SMIM18: variants seen among roughly 807,000 people sequenced by gnomAD.
SMIM18 encodes small integral membrane protein 18.
In SMIM18, 4 loss-of-function variants were observed where a neutral mutation model predicts 5.9. The observed-to-expected ratio is 0.68, with a 90% CI of 0.33 to 1.56. SMIM18 has a LOEUF of 1.56. SMIM18 is among the 40% of genes most tolerant of loss of function. SMIM18 has a pLI of 0.06. For synonymous variants in SMIM18, 37 were observed against 37.4 expected (o/e 0.99, Z 0.04); for missense variants, 89 against 109.7 (o/e 0.81, Z 0.84).
chr8:30,644,157 A>C (rs905542443), intron 1 of SMIM18, among the ~76,000 whole-genome samples: 1 of 152,218 alleles, frequency 6.6e-6, no homozygotes, highest in African/African-American at 2.4e-5. Flanking sequence ...CTATAGTTCC[A>C]TACTGACAAA....
intron 1 of SMIM18, chr8:30,643,806 T>C (rs1801950952): frequency 1.3e-5 from 2 of 151,226 alleles, no homozygotes; most frequent in Admixed American, 1.3e-4. Context: ...GCAAGGCTAG[T>C]AAGAAAGAAA....
In SMIM18 at chr8:30,645,682, AC is replaced by A; in HGVS notation, c.*86del. 3 of 1,312,454 alleles carry A rather than the reference AC, an allele frequency of 2.3e-6. No individual in the cohort carries two copies. Among genetic ancestry groups the A allele is most frequent in the Non-Finnish European group, 3.1e-6 (3 of 982,660 alleles). 81.3% of individuals were successfully genotyped at this position (1,312,454 alleles called of 1,614,324 possible). A position where few individuals can be genotyped will look rare whatever the true frequency, so the allele number is the denominator to read the frequency against. On this transcript the variant is annotated 3_prime_UTR_variant, in exon 3 of 3. Coordinates refer to ENST00000517349, the MANE Select transcript of SMIM18 (RefSeq NM_001206847.2). ...ATATATTCTGAGGCCAACTGTTGCT[AC>A]AAAACAAATTCTGACTGAATGGTTA...
chr8:30,645,556 A>G lies in SMIM18; in HGVS notation c.247A>G (p.Met83Val), dbSNP rs1238605843. 2 of 1,535,708 alleles carry G rather than the reference A, an allele frequency of 1.3e-6. No individual in the cohort carries two copies. Among genetic ancestry groups the G allele is most frequent in the Non-Finnish European group, 1.7e-6 (2 of 1,146,886 alleles). The change falls in exon 3 of 3, where the codon ATG (methionine) becomes GTG (valine). Residue 83 changes from methionine to valine, a missense_variant. Coordinates refer to ENST00000517349, the MANE Select transcript of SMIM18 (RefSeq NM_001206847.2). Reference protein sequence around the residue: ...LKSEPNPLRSMMDNIRKRETE... With the variant: ...LKSEPNPLRSVMDNIRKRETE... ...AAGTGAACCCAACCCTCTTAGAAGTATGATGGACAACATCAGAAAACGTGA... is the reference window on the plus strand; with the variant it reads ...AAGTGAACCCAACCCTCTTAGAAGTGTGATGGACAACATCAGAAAACGTGA...
intron 1 of SMIM18, chr8:30,643,692 C>T (rs902698860): frequency 3.4e-5 from 5 of 148,666 alleles, no homozygotes; most frequent in Admixed American, 2.0e-4. Flanking sequence ...ACATGGGATA[C>T]TCTGGTTTCT....
chr8:30,644,990 T>C (rs1802015266), intron 2 of SMIM18, among the ~76,000 whole-genome samples: 1 of 152,162 alleles, frequency 6.6e-6, no homozygotes, highest in Admixed American at 6.5e-5. Context: ...GCTCAAGTGA[T>C]CTGCCCACAT....
intron 1 of SMIM18, among the ~76,000 whole-genome samples, chr8:30,640,591 A>G (rs985759746): frequency 6.6e-6 from 1 of 152,206 alleles, no homozygotes; most frequent in African/African-American, 2.4e-5. Flanking sequence ...CTTTTTTTAT[A>G]TACACCATTT....
At chr8:30,643,940 T>C (rs1470688407) in intron 1 of SMIM18, 3 of 152,216 alleles carry the variant, frequency 2.0e-5, no homozygotes, top group Non-Finnish European at 4.4e-5. Context: ...AATAAACATT[T>C]GTTATAAAAA....
In SMIM18 at chr8:30,645,436, A is replaced by T. The variant is rs1802031929; in HGVS notation, c.127A>T (p.Ile43Leu). ...TACFVILLLF[I>L]FTVVSLVVLA... ...CTGCTTTGTCATCCTGCTTTTATTTATATTTACAGTGGTATCTTTAGTGGT... is the reference window on the plus strand; with the variant it reads ...CTGCTTTGTCATCCTGCTTTTATTTTTATTTACAGTGGTATCTTTAGTGGT... Residue 43 changes from isoleucine to leucine, a missense_variant, in exon 3 of 3, where the codon ATA becomes TTA. Coordinates refer to ENST00000517349, the MANE Select transcript of SMIM18 (RefSeq NM_001206847.2). 5.9e-6 allele frequency: 9 copies of T among 1,535,614 alleles called. No individual in the cohort carries two copies. Among genetic ancestry groups the T allele is most frequent in the Non-Finnish European group, 7.8e-6 (9 of 1,146,886 alleles).
chr8:30,640,467 C>T (rs1801776273), intron 1 of SMIM18, among the ~76,000 whole-genome samples: 1 of 151,840 alleles, frequency 6.6e-6, no homozygotes, highest in Admixed American at 6.6e-5. Flanking sequence ...TAACATAAAA[C>T]AAAACTAAAA....
At chr8:30,642,439 C>T (rs574297052) in intron 1 of SMIM18, among the ~76,000 whole-genome samples, 51 of 152,192 alleles carry the variant, frequency 3.4e-4, no homozygotes, top group Non-Finnish European at 6.6e-4. Flanking sequence ...AGGAATAGTG[C>T]TTTTTATTTC....
At chr8:30,641,348 TAAA>T (rs1348489415) in intron 1 of SMIM18, among the ~76,000 whole-genome samples, 1 of 152,160 alleles carries the variant, frequency 6.6e-6, no homozygotes. Flanking sequence ...TAGTTATTAT[TAAA>T]AGCGTAATTT....
At chr8:30,640,894 G>A (rs954531158) in intron 1 of SMIM18, among the ~76,000 whole-genome samples, 4 of 152,242 alleles carry the variant, frequency 2.6e-5, no homozygotes, top group African/African-American at 7.2e-5. Flanking sequence ...TAGCAGAGAC[G>A]GAGTTTCGCC....
rs556831965 is a variant in SMIM18, at chr8:30,638,926, A to C, written c.-111+287A>C. On this transcript the variant is annotated intron_variant, in intron 1 of 2. Coordinates refer to ENST00000517349, the MANE Select transcript of SMIM18 (RefSeq NM_001206847.2). ...AGAGTAAACCATAGCTTTTTATTTTAACTGGTTACTTGCTAATTTCATTTT... is the reference window on the plus strand; with the variant it reads ...AGAGTAAACCATAGCTTTTTATTTTCACTGGTTACTTGCTAATTTCATTTT... Among the ~76,000 whole-genome samples the C allele has an allele frequency of 1.9e-3, 292 of 152,242 alleles. 1 individual carries two copies. Among genetic ancestry groups the C allele is most frequent in the African/African-American group, 6.2e-3 (258 of 41,550 alleles).
chr8:30,643,002 T>G (rs1412386978), intron 1 of SMIM18, among the ~76,000 whole-genome samples: 1 of 152,134 alleles, frequency 6.6e-6, no homozygotes, highest in African/African-American at 2.4e-5. Flanking sequence ...CACGCTGGAG[T>G]GCAATGTGCA....
intron 1 of SMIM18, among the ~76,000 whole-genome samples, chr8:30,642,982 T>C (rs1801904778): frequency 6.6e-6 from 1 of 152,196 alleles, no homozygotes; most frequent in South Asian, 2.1e-4. Context: ...GGAGTTTCAC[T>C]CTTGTTGCCC....
chr8:30,640,081 A>G (rs968957265), intron 1 of SMIM18, among the ~76,000 whole-genome samples: 1 of 152,146 alleles, frequency 6.6e-6, no homozygotes, highest in African/African-American at 2.4e-5. Flanking sequence ...ATCAGCCTGC[A>G]TTTTGCTTGG....
At chr8:30,644,409 G>A (rs1252450590) in intron 1 of SMIM18, 83 bp from the exon 2 acceptor site, 1 of 152,120 alleles carries the variant, frequency 6.6e-6, no homozygotes, top group Non-Finnish European at 1.5e-5. Context: ...TCTCTTCACA[G>A]ATCACTCTAA....
At chr8:30,642,471 A>G (rs1369447609) in intron 1 of SMIM18, among the ~76,000 whole-genome samples, 1 of 152,204 alleles carries the variant, frequency 6.6e-6, no homozygotes, top group Non-Finnish European at 1.5e-5. Context: ...TAGATGATTT[A>G]CTTTGGTTTC....
intron 1 of SMIM18, chr8:30,643,907 T>C (rs922851339): frequency 1.3e-5 from 2 of 151,976 alleles, no homozygotes; most frequent in African/African-American, 4.8e-5. Context: ...TTTACAAAAA[T>C]ATTTGGTACA....
Sources: gnomAD v4.1 joint callset for allele counts (sites outside exome capture counted in the v4.1 genomes callset) on GRCh38, gnomAD v4.1.1 for gene constraint, MANE v1.5 for transcripts, NCBI Gene and HGNC (gene_info 2026-07-23, HGNC 2026-07-21) for gene names.